The following LRRC58 variants were observed in gnomAD, a reference collection of about 807,000 sequenced individuals.
LRRC58 encodes leucine rich repeat containing 58.
Under a neutral mutation model 30.6 loss-of-function variants are expected in LRRC58, and 18 were observed. The ratio of observed to expected loss-of-function variants is 0.59; its 90% CI spans 0.41 to 0.87. The LOEUF (loss-of-function observed/expected upper bound fraction) is 0.87, where lower values mean the gene tolerates loss of function less well. Among genes scored for constraint, LRRC58 ranks in the 40% least tolerant of loss-of-function variants. The pLI is 0.00. For missense variants in LRRC58, 420 were observed against 468.4 expected (o/e 0.90, Z 0.95); for synonymous variants, 221 against 206.0 (o/e 1.07, Z -0.62).
At chr3:120,339,336 T>A (rs1450778470) in intron 1 of LRRC58, among the ~76,000 whole-genome samples, 1 of 152,224 alleles carries the variant, frequency 6.6e-6, no homozygotes, top group Non-Finnish European at 1.5e-5. Context: ...CTACCCCGAT[T>A]TTCTACCAAT....
In LRRC58 at chr3:120,338,086, G is replaced by A. The variant is rs192022867; in HGVS notation, c.501-2133C>T. 2.5e-3 allele frequency among the ~76,000 whole-genome samples: 381 copies of A among 152,176 alleles called. 2 individuals carry two copies. Among genetic ancestry groups the A allele is most frequent in the Middle Eastern group, 0.017 (5 of 294 alleles). ...TCGAATTCCTGACCTCAGGTGATCC[G>A]CCCACCTCAGCCTCCCAAAGTGCTG... On this transcript the variant is annotated intron_variant, in intron 1 of 3. Transcript: ENST00000295628.
intron 3 of LRRC58, among the ~76,000 whole-genome samples, chr3:120,333,858 C>T (rs1403437464): frequency 6.6e-6 from 1 of 152,152 alleles, no homozygotes; most frequent in Non-Finnish European, 1.5e-5. Context: ...CTTCTGTCTC[C>T]ACTTTGTACT....
chr3:120,348,731 C>G lies in LRRC58; in HGVS notation c.500+13G>C, dbSNP rs1371983844. On this transcript the variant is annotated intron_variant, in intron 1 of 3. Transcript: ENST00000295628. Reference sequence around the variant, plus strand: ...CCCGAGGCCTCCCCACCCTCCGGCACACACCCGCTCACCTCTGCAAGTTCT... The same window carrying G: ...CCCGAGGCCTCCCCACCCTCCGGCAGACACCCGCTCACCTCTGCAAGTTCT... 13 of 1,550,540 alleles carry G rather than the reference C, an allele frequency of 8.4e-6. No homozygotes were observed. The highest frequency in any genetic ancestry group is 1.0e-5 in the Non-Finnish European group (12 of 1,146,264).
chr3:120,337,882 AG>A (rs1480441757), intron 1 of LRRC58, among the ~76,000 whole-genome samples: 1 of 151,920 alleles, frequency 6.6e-6, no homozygotes, highest in African/African-American at 2.4e-5. Context: ...TCTGTCGCCC[AG>A]GCTGGAGTGC....
At chr3:120,334,111 G>A (rs1234696472) in intron 3 of LRRC58, among the ~76,000 whole-genome samples, 2 of 152,052 alleles carry the variant, frequency 1.3e-5, no homozygotes, top group Admixed American at 6.5e-5. Flanking sequence ...ATAAAGTTTT[G>A]GGTACATTCT....
rs969587391 is a variant in LRRC58, at chr3:120,331,140, T to A, written c.*60A>T. 7.0e-7 allele frequency: 1 copy of A among 1,423,392 alleles called. No homozygotes were observed. The highest frequency in any genetic ancestry group is 9.9e-7 in the Non-Finnish European group (1 of 1,009,252). The allele number at this position is 1,423,392 out of a possible 1,614,324, so 88.2% of individuals were successfully genotyped here. The stretch of plus-strand genomic sequence containing the variant: ...ATTTCTAGTGAACTTCAAGCTCTAT[T>A]TTCTTGTCTAACCATTTTGCTCAGT... On this transcript the variant is annotated 3_prime_UTR_variant, in exon 4 of 4. Transcript: ENST00000295628.
At chr3:120,347,305 T>A (rs1156422579) in intron 1 of LRRC58, among the ~76,000 whole-genome samples, 1 of 151,016 alleles carries the variant, frequency 6.6e-6, no homozygotes, top group African/African-American at 2.4e-5. Flanking sequence ...ACAGTTAGGA[T>A]ACGCTACAGT....
intron 1 of LRRC58, among the ~76,000 whole-genome samples, chr3:120,346,824 C>T (rs1243128966): frequency 6.6e-6 from 1 of 152,198 alleles, no homozygotes; most frequent in African/African-American, 2.4e-5. Flanking sequence ...CTCAAAATCT[C>T]TATCTCTTCA....
At chr3:120,333,786 A>G in intron 3 of LRRC58, among the ~76,000 whole-genome samples, 1 of 152,250 alleles carries the variant, frequency 6.6e-6, no homozygotes, top group African/African-American at 2.4e-5. Context: ...TTTCACTCTC[A>G]TTACTCCCCT....
chr3:120,339,350 T>A (rs2107624715), intron 1 of LRRC58, among the ~76,000 whole-genome samples: 2 of 152,356 alleles, frequency 1.3e-5, no homozygotes, highest in Middle Eastern at 3.4e-3. Flanking sequence ...TACCAATTTA[T>A]TTTATTTCCA....
At position 120,327,102 on chromosome 3, in the gene LRRC58, T is replaced by TA. The variant is rs1413510418; in HGVS notation, c.*4097dup. The TA allele has an allele frequency of 2.6e-5, 4 of 152,212 alleles. No individual in the cohort carries two copies. The highest frequency in any genetic ancestry group is 5.9e-5 in the Non-Finnish European group (4 of 68,038). 9.4% of individuals were successfully genotyped at this position (152,212 alleles called of 1,614,324 possible). On this transcript the variant is annotated 3_prime_UTR_variant, in exon 4 of 4. Coordinates refer to ENST00000295628, the MANE Select transcript of LRRC58 (RefSeq NM_001099678.2). ...AGCAAACACTGAACAAATTTGGTGA[T>TA]AAAGGTTTTTGGATGGTAGTCAGTA...
intron 1 of LRRC58, among the ~76,000 whole-genome samples, chr3:120,339,407 CA>C (rs1354112849): frequency 2.0e-5 from 3 of 152,220 alleles, no homozygotes; most frequent in African/African-American, 7.2e-5. Flanking sequence ...CCAATTTTAT[CA>C]TTTTTTTTGG....
intron 3 of LRRC58, among the ~76,000 whole-genome samples, chr3:120,333,863 T>C (rs937499159): frequency 1.3e-5 from 2 of 152,210 alleles, no homozygotes; most frequent in Admixed American, 1.3e-4. Flanking sequence ...GTCTCCACTT[T>C]GTACTCGCCA....
intron 1 of LRRC58, among the ~76,000 whole-genome samples, chr3:120,342,574 C>T (rs1252934816): frequency 6.6e-6 from 1 of 152,122 alleles, no homozygotes; most frequent in Non-Finnish European, 1.5e-5. Context: ...GCCACCCTCT[C>T]CAGGGCCTCC....
At chr3:120,340,672 G>A (rs924550974) in intron 1 of LRRC58, among the ~76,000 whole-genome samples, 9 of 152,044 alleles carry the variant, frequency 5.9e-5, no homozygotes, top group South Asian at 2.1e-4. Flanking sequence ...TCACGAGTTC[G>A]AGACCAGCTT....
rs1056020839 is a variant in LRRC58, at chr3:120,327,408, C to T, written c.*3792G>A. ...CTGGGACTACAGGCGCCCGCCATCA[C>T]GCCCGGCTAATTTTTTTTTGTATTT... On this transcript the variant is annotated 3_prime_UTR_variant, in exon 4 of 4. Coordinates refer to ENST00000295628, the MANE Select transcript of LRRC58 (RefSeq NM_001099678.2). The T allele has an allele frequency of 2.2e-4, 34 of 151,160 alleles. No homozygotes were observed. The highest frequency in any genetic ancestry group is 8.0e-4 in the African/African-American group (33 of 41,200). The allele number at this position is 151,160 out of a possible 1,614,324, so 9.4% of individuals were successfully genotyped here. A position where few individuals can be genotyped will look rare whatever the true frequency, so the allele number is the denominator to read the frequency against.
intron 1 of LRRC58, among the ~76,000 whole-genome samples, chr3:120,339,617 C>T (rs893036943): frequency 4.6e-5 from 7 of 152,112 alleles, no homozygotes; most frequent in South Asian, 2.1e-4. Context: ...GATGCTGCTC[C>T]GTTATCTTAT....
intron 1 of LRRC58, among the ~76,000 whole-genome samples, chr3:120,347,367 C>T (rs1362044408): frequency 1.9e-5 from 2 of 105,264 alleles, no homozygotes; most frequent in Admixed American, 1.9e-4. Context: ...TCTTTTTTCC[C>T]AGGCCAATAT....
intron 1 of LRRC58, among the ~76,000 whole-genome samples, chr3:120,341,275 A>G (rs1935901320): frequency 1.3e-5 from 2 of 152,224 alleles, no homozygotes; most frequent in African/African-American, 4.8e-5. Flanking sequence ...TGGAGTCCAA[A>G]TAACAGAAAC....
Sources: gnomAD v4.1 joint callset for allele counts (sites outside exome capture counted in the v4.1 genomes callset) on GRCh38, gnomAD v4.1.1 for gene constraint, MANE v1.5 for transcripts, NCBI Gene and HGNC (gene_info 2026-07-23, HGNC 2026-07-21) for gene names.